Variants in NPAT observed in about 807,000 individuals in gnomAD.
The protein encoded by NPAT is nuclear protein, coactivator of histone transcription, also known as protein NPAT.
Under a neutral mutation model 130.7 loss-of-function variants are expected in NPAT, and 52 were observed. The ratio of observed to expected loss-of-function variants is 0.40; its 90% CI spans 0.32 to 0.50. The LOEUF is 0.50. Among genes scored for constraint, NPAT ranks in the 20% least tolerant of loss-of-function variants. The pLI, the probability that NPAT is intolerant of heterozygous loss-of-function variation, is 0.68. For synonymous variants in NPAT, 580 were observed against 584.8 expected, an observed-to-expected ratio of 0.99 and a Z score of 0.12; for missense variants, 1,687 against 1,662.6, an observed-to-expected ratio of 1.01 and a Z score of -0.26.
rs765434465 is a variant in NPAT, at chr11:108,192,132, T to C, written c.276A>G (p.Thr92=). 1 of 1,600,160 alleles carries C rather than the reference T, an allele frequency of 6.2e-7. No individual in the cohort carries two copies. Among genetic ancestry groups the C allele is most frequent in the Non-Finnish European group, 8.6e-7 (1 of 1,167,372 alleles). ...MSSLWKKLDH[T]LSQIRSMQSS... is the part of the protein sequence containing the mutation. ...TAGCTTATTACCTGATCTGAGAAAG[T>C]GTATGGTCCAATTTCTTCCATAGAG... Residue 92 remains threonine (T), a synonymous_variant, in exon 4 of 18, where the codon ACA becomes ACG. Coordinates refer to ENST00000278612, the MANE Select transcript of NPAT (RefSeq NM_002519.3).
Position 108,188,127 on chromosome 11 carries a change from G to A in NPAT, c.609C>T (p.Ala203=). The A allele has an allele frequency of 6.2e-7, 1 of 1,613,010 alleles. No homozygotes were observed. Among genetic ancestry groups the A allele is most frequent in the African/African-American group, 1.3e-5 (1 of 74,752 alleles). ...IPGAQEKKAH[A]SLMSPGRRKS... ...TGCGTCTACCGGGAGACATTAAACTGGCATGTGCTTTCTTTTCCTGAGCAC... is the reference window on the plus strand; with the variant it reads ...TGCGTCTACCGGGAGACATTAAACTAGCATGTGCTTTCTTTTCCTGAGCAC... Residue 203 remains alanine, a synonymous_variant, in exon 7 of 18, where the codon GCC becomes GCT. Transcript: ENST00000278612.
chr11:108,193,723 C>T (rs2078192998), intron 3 of NPAT, among the ~76,000 whole-genome samples: 1 of 151,672 alleles, frequency 6.6e-6, no homozygotes, highest in Admixed American at 6.6e-5. Context: ...GAAACTCCGT[C>T]TCAAAAAAAA....
Position 108,172,808 on chromosome 11 carries a change from TAGA to T in NPAT, c.2173_2175del (p.Ser726del), listed in dbSNP as rs141989202. The T allele has an allele frequency of 0.011, 18,286 of 1,613,858 alleles. 134 individuals are homozygous for T. Among genetic ancestry groups the T allele is most frequent in the Middle Eastern group, 0.018 (107 of 6,062 alleles). On this transcript the variant is annotated inframe_deletion, in exon 13 of 18. Transcript: ENST00000278612. ...GCATCTATCTCTGCTGAGTTGTTGC[TAGA>T]AGGTTTATCATCAGTATTTTGGGAC...
At chr11:108,160,450 T>A (rs760057527) in intron 17 of NPAT, among the ~76,000 whole-genome samples, 8 of 152,108 alleles carry the variant, frequency 5.3e-5, no homozygotes, top group Admixed American at 2.0e-4. Context: ...AAGAACAAAG[T>A]CATTTATTAC....
chr11:108,188,954 G>GC, intron 6 of NPAT, 152 bp downstream of exon 6: 1 of 674,846 alleles, frequency 1.5e-6, no homozygotes, highest in Non-Finnish European at 2.6e-6. Context: ...TATGCTTATA[G>GC]CAAATCTAGA....
intron 15 of NPAT, among the ~76,000 whole-genome samples, chr11:108,166,324 G>A (rs556081031): frequency 3.7e-4 from 56 of 152,166 alleles, no homozygotes; most frequent in African/African-American, 9.4e-4. Context: ...CCCGGGAGGC[G>A]AAGGTAGCAG....
Position 108,173,504 on chromosome 11 carries a change from C to A in NPAT, c.1480G>T (p.Val494Leu), listed in dbSNP as rs776199761. The A allele has an allele frequency of 6.2e-7, 1 of 1,614,138 alleles. No homozygotes were observed. The highest frequency in any genetic ancestry group is 1.6e-4 in the Middle Eastern group (1 of 6,062). The change falls in exon 13 of 18, where the codon GTA becomes TTA. Residue 494 changes from valine to leucine, a missense_variant. Val to Leu is a conservative substitution (Grantham distance 32). Coordinates refer to ENST00000278612, the MANE Select transcript of NPAT (RefSeq NM_002519.3). ...GIEKNSLSSNVPSESQLQPDQ... is the reference protein window; with the variant it reads ...GIEKNSLSSNLPSESQLQPDQ... ...GGCTGTAACTGAGATTCACTCGGTA[C>A]ATTTGAAGACAAAGAGTTCTTTTCA...
chr11:108,161,870 A>G lies in NPAT; in HGVS notation c.3216T>C (p.Pro1072=). ...RVLCFDSTTA[P]VANTQGPNHK... ...GGTTTGGCCCCTGCGTATTTGCCAC[A>G]GGAGCAGTAGTGCTGTCGAAACAGA... Residue 1072 remains proline, a synonymous_variant, in exon 17 of 18, where the codon CCT becomes CCC. Transcript: ENST00000278612. The G allele has an allele frequency of 1.2e-6, 2 of 1,614,148 alleles. No homozygotes were observed. The highest frequency in any genetic ancestry group is 1.7e-6 in the Non-Finnish European group (2 of 1,180,036).
chr11:108,179,535 C>G (rs1030951653), intron 10 of NPAT, among the ~76,000 whole-genome samples: 3 of 152,184 alleles, frequency 2.0e-5, no homozygotes, highest in African/African-American at 7.2e-5. Flanking sequence ...CCACCACGCC[C>G]GGACTCATAT....
intron 1 of NPAT, among the ~76,000 whole-genome samples, chr11:108,202,721 AAAT>A (rs2078285740): frequency 6.6e-6 from 1 of 152,090 alleles, no homozygotes; most frequent in African/African-American, 2.4e-5. Context: ...TCTGGAACCC[AAAT>A]AATGGGAGGT....
chr11:108,188,210 A>G (rs2078127724), intron 6 of NPAT, 31 bp from the exon 7 acceptor site: 1 of 1,485,032 alleles, frequency 6.7e-7, no homozygotes, highest in East Asian at 2.3e-5. Context: ...ACAGTAAGCC[A>G]AAGAAACTGA....
chr11:108,193,944 T>C lies in NPAT; in HGVS notation c.217+13A>G. 1 of 1,523,376 alleles carries C rather than the reference T, an allele frequency of 6.6e-7. No individual in the cohort carries two copies. The allele number at this position is 1,523,376 out of a possible 1,614,324, so 94.4% of individuals were successfully genotyped here. ...TATACATCAGCAAAAAAACTCCAAA[T>C]CAGAACTCTTACCTTTTGTTTTCAT... On this transcript the variant is annotated intron_variant, in intron 3 of 17. Coordinates refer to ENST00000278612, the MANE Select transcript of NPAT (RefSeq NM_002519.3).
intron 1 of NPAT, among the ~76,000 whole-genome samples, chr11:108,215,619 G>C (rs557634511): frequency 7.2e-5 from 11 of 152,300 alleles, no homozygotes; most frequent in African/African-American, 2.4e-4. Flanking sequence ...GGTCCAACAG[G>C]TGAAAAACCT....
chr11:108,170,521 AG>A (rs11349227), intron 13 of NPAT, among the ~76,000 whole-genome samples: 3,612 of 152,302 alleles, frequency 0.024, 108 homozygotes, highest in African/African-American at 0.075. Context: ...ATTGATCAAA[AG>A]GGGGTAAGGT....
At chr11:108,196,287 C>T (rs898516764) in intron 2 of NPAT, among the ~76,000 whole-genome samples, 3 of 152,170 alleles carry the variant, frequency 2.0e-5, no homozygotes, top group Non-Finnish European at 4.4e-5. Flanking sequence ...TCTACATGGA[C>T]TTGTATGTGG....
In NPAT at chr11:108,173,451, T is replaced by A. The variant is rs2077974354; in HGVS notation, c.1533A>T (p.Ser511=). The change falls in exon 13 of 18, where the codon TCA becomes TCT. Residue 511 remains serine, a synonymous_variant. Transcript: ENST00000278612. ...QPDQPDIPIT[S]FVSLGCEANN... ...TAGCTTCACAACCAAGTGAAACAAA[T>A]GAAGTTATTGGTATATCAGGCTGAT... 1 of 1,614,190 alleles carries A rather than the reference T, an allele frequency of 6.2e-7. No individual in the cohort carries two copies. Among genetic ancestry groups the A allele is most frequent in the Non-Finnish European group, 8.5e-7 (1 of 1,180,020 alleles).
At chr11:108,210,160 G>A (rs1308705753) in intron 1 of NPAT, among the ~76,000 whole-genome samples, 1 of 151,176 alleles carries the variant, frequency 6.6e-6, no homozygotes, top group Non-Finnish European at 1.5e-5. Context: ...AGAAATAAAT[G>A]GGAATGTAAA....
rs1168601077 is a variant in NPAT at position 108,189,200 on chromosome 11, A to T, written c.462T>A (p.Gly154=). Residue 154 remains glycine (G), a synonymous_variant, in exon 6 of 18, where the codon GGT becomes GGA. Coordinates refer to ENST00000278612, the MANE Select transcript of NPAT (RefSeq NM_002519.3). Reference sequence around the variant, plus strand: ...GGCCACTTGGTCGAGTAACCTGTGTACCTGTGGAAGGAGGAGTGGTAAACT... The same window carrying T: ...GGCCACTTGGTCGAGTAACCTGTGTTCCTGTGGAAGGAGGAGTGGTAAACT... ...SGQFTTPPST[G]TQVTRPSGQI... The T allele has an allele frequency of 6.2e-7, 1 of 1,614,082 alleles. No homozygotes were observed. Among genetic ancestry groups the T allele is most frequent in the Admixed American group, 1.7e-5 (1 of 60,002 alleles).
intron 10 of NPAT, among the ~76,000 whole-genome samples, 164 bp downstream of exon 10, chr11:108,185,068 G>C (rs906150562): frequency 6.6e-6 from 1 of 152,130 alleles, no homozygotes; most frequent in South Asian, 2.1e-4. Context: ...TGCATTCAAT[G>C]AATGAAGAAA....
Sources: allele counts gnomAD v4.1 joint callset (sites outside exome capture counted in the v4.1 genomes callset), GRCh38; gene constraint gnomAD v4.1.1; transcripts MANE v1.5; gene names NCBI Gene and HGNC (gene_info 2026-07-23, HGNC 2026-07-21).